The following ZC3H11A variants were observed in gnomAD, a reference collection of about 807,000 sequenced individuals.
ZC3H11A encodes the protein zinc finger CCCH domain-containing protein 11A.
A neutral mutation model predicts 90.8 loss-of-function variants in ZC3H11A; 22 were observed. The observed-to-expected ratio is 0.24, with a 90% confidence interval of 0.17 to 0.35. The LOEUF (loss-of-function observed/expected upper bound fraction) is 0.35, where lower values mean the gene tolerates loss of function less well. Ranked by LOEUF, ZC3H11A falls within the 10% of genes least tolerant of loss-of-function variation. The pLI, the probability that ZC3H11A is intolerant of heterozygous loss-of-function variation, is 1.00. For missense variants in ZC3H11A, 701 were observed against 964.9 expected (o/e 0.73, Z 3.62); for synonymous variants, 294 against 339.8 (o/e 0.87, Z 1.48).
Position 203,817,132 on chromosome 1 carries a change from T to A in ZC3H11A, c.54+8T>A, listed in dbSNP as rs760894438. The A allele has an allele frequency of 6.2e-7, 1 of 1,602,064 alleles. No homozygotes were observed. The highest frequency in any genetic ancestry group is 8.5e-7 in the Non-Finnish European group (1 of 1,173,310). Reference sequence around the variant, plus strand: ...TATTCCACATGTACCAAAGTAAGAATTGACATCTTTAAATCAGTTCTTTCT... The same window carrying A: ...TATTCCACATGTACCAAAGTAAGAAATGACATCTTTAAATCAGTTCTTTCT... On this transcript the variant is annotated splice_region_variant and intron_variant, in intron 3 of 17. Transcript: ENST00000367210.
chr1:203,833,960 A>G, intron 10 of ZC3H11A, 107 bp downstream of exon 10: 1 of 1,424,212 alleles, frequency 7.0e-7, no homozygotes, highest in East Asian at 2.5e-5. Flanking sequence ...GTGCCCCTGT[A>G]TTGGCTGAAA....
Position 203,840,393 on chromosome 1 carries a change from C to T in ZC3H11A, c.1042+19C>T. 1 of 1,604,618 alleles carries T rather than the reference C, an allele frequency of 6.2e-7. No homozygotes were observed. The highest frequency in any genetic ancestry group is 8.5e-7 in the Non-Finnish European group (1 of 1,175,742). On this transcript the variant is annotated intron_variant, in intron 12 of 17. Transcript: ENST00000367210. ...GCAACAGGTAAGTAAATCCTAAGAC[C>T]AGATTCTGATTATTTTTTTCTTTGC...
intron 1 of ZC3H11A, chr1:203,799,143 C>A (rs1046923243): frequency 6.7e-7 from 1 of 1,502,052 alleles, no homozygotes; most frequent in Non-Finnish European, 9.0e-7. Flanking sequence ...CAATATTTTA[C>A]AAGAATTAAA....
At chr1:203,815,085 C>T (rs1675804556) in intron 2 of ZC3H11A, 1 of 152,102 alleles carries the variant, frequency 6.6e-6, no homozygotes, top group Admixed American at 6.6e-5. Context: ...CAGCTTCCAC[C>T]TCCCAAAGTG....
chr1:203,828,107 C>G (rs760301314), intron 4 of ZC3H11A, among the ~76,000 whole-genome samples, 192 bp from the exon 5 acceptor site: 1 of 152,182 alleles, frequency 6.6e-6, no homozygotes, highest in Non-Finnish European at 1.5e-5. Flanking sequence ...AAACTACTCT[C>G]CTGCTCCATT....
chr1:203,800,560 C>T, intron 1 of ZC3H11A: 4 of 1,099,836 alleles, frequency 3.6e-6, no homozygotes, highest in Non-Finnish European at 4.8e-6. Flanking sequence ...ATAAACACAT[C>T]TGGGGAAACC....
intron 2 of ZC3H11A, among the ~76,000 whole-genome samples, chr1:203,807,897 A>G (rs1413093243): frequency 6.6e-6 from 1 of 151,790 alleles, no homozygotes; most frequent in Non-Finnish European, 1.5e-5. Context: ...ATGTGCCACC[A>G]TACCTGGCTA....
intron 2 of ZC3H11A, among the ~76,000 whole-genome samples, chr1:203,811,402 C>A (rs1221398851): frequency 6.6e-6 from 1 of 152,222 alleles, no homozygotes; most frequent in Non-Finnish European, 1.5e-5. Flanking sequence ...TTCATTGTTT[C>A]AATTACTTTG....
chr1:203,843,813 A>T (rs1687137943), intron 12 of ZC3H11A, among the ~76,000 whole-genome samples: 1 of 151,238 alleles, frequency 6.6e-6, no homozygotes, highest in African/African-American at 2.4e-5. Context: ...TTTTTCAAGA[A>T]CTTTCTTTGT....
intron 4 of ZC3H11A, among the ~76,000 whole-genome samples, chr1:203,823,670 T>A (rs1679521202): frequency 6.6e-6 from 1 of 152,246 alleles, no homozygotes; most frequent in African/African-American, 2.4e-5. Context: ...CTAACTCTTT[T>A]CTGCACTGAG....
In ZC3H11A at chr1:203,849,943, A is replaced by G. The variant is rs775471442; in HGVS notation, c.1856A>G (p.Lys619Arg). 2.5e-6 allele frequency: 4 copies of G among 1,614,142 alleles called. No individual in the cohort carries two copies. The East Asian group carries it at 8.9e-5, about 36-fold the overall frequency. Residue 619 changes from lysine (K) to arginine (R), a missense_variant, in exon 15 of 18, where the codon AAG becomes AGG. Transcript: ENST00000367210. ...TKRLPTKSSQKVEVETSGIGD... is the reference protein window; with the variant it reads ...TKRLPTKSSQRVEVETSGIGD... Reference sequence around the variant, plus strand: ...CGGCTTCCCACAAAGTCATCCCAGAAGGTGGAGGTAGAAACCTCAGGGATT... The same window carrying G: ...CGGCTTCCCACAAAGTCATCCCAGAGGGTGGAGGTAGAAACCTCAGGGATT...
intron 4 of ZC3H11A, among the ~76,000 whole-genome samples, chr1:203,827,282 G>A (rs1680826818): frequency 6.6e-6 from 1 of 151,184 alleles, no homozygotes; most frequent in Non-Finnish European, 1.5e-5. Flanking sequence ...GAGAACTAAT[G>A]TATATATTTT....
chr1:203,832,245 G>T (rs1040421707), intron 9 of ZC3H11A, among the ~76,000 whole-genome samples: 1 of 152,012 alleles, frequency 6.6e-6, no homozygotes, highest in African/African-American at 2.4e-5. Flanking sequence ...ATTTTTAGTA[G>T]AGACGGGGTT....
chr1:203,825,680 C>T (rs1680306266), intron 4 of ZC3H11A, among the ~76,000 whole-genome samples: 1 of 152,102 alleles, frequency 6.6e-6, no homozygotes, highest in Admixed American at 6.6e-5. Context: ...CCACCTTGGC[C>T]TCCCAAAGTG....
At chr1:203,799,747 T>G (rs1423783258) in intron 1 of ZC3H11A, 1 of 818,700 alleles carries the variant, frequency 1.2e-6, no homozygotes, top group Admixed American at 2.0e-5. Context: ...CTCAATCTGG[T>G]GGATAGTTTA....
intron 2 of ZC3H11A, among the ~76,000 whole-genome samples, chr1:203,816,090 A>T (rs1676282617): frequency 6.6e-6 from 1 of 152,200 alleles, no homozygotes; most frequent in African/African-American, 2.4e-5. Context: ...TTCATCAGTT[A>T]TTCTAGCTAA....
chr1:203,798,600 G>A, intron 1 of ZC3H11A: 2 of 1,536,162 alleles, frequency 1.3e-6, no homozygotes, highest in Non-Finnish European at 1.7e-6. Context: ...AGATTTAACA[G>A]CTGAGGACCT....
intron 10 of ZC3H11A, chr1:203,835,630 TAGCAGGAAGATTGC>T: frequency 6.0e-6 from 1 of 167,046 alleles, no homozygotes; most frequent in Non-Finnish European, 1.4e-5. Flanking sequence ...CCAATAGCAT[TAGCAGGAAGATTGC>T]TTTGGAATTT....
At chr1:203,820,304 T>C (rs761344957) in intron 4 of ZC3H11A, among the ~76,000 whole-genome samples, 3 of 152,068 alleles carry the variant, frequency 2.0e-5, no homozygotes. Flanking sequence ...TGTCTCCTTC[T>C]GTTGAGAGCA....
Sources: allele counts gnomAD v4.1 joint callset (sites outside exome capture counted in the v4.1 genomes callset), GRCh38; gene constraint gnomAD v4.1.1; transcripts MANE v1.5; gene names NCBI Gene and HGNC (gene_info 2026-07-23, HGNC 2026-07-21).